The following ZNF385B variants were observed in gnomAD, a reference collection of about 807,000 sequenced individuals.
The protein encoded by ZNF385B is zinc finger protein 533.
Under a neutral mutation model 39.2 loss-of-function variants are expected in ZNF385B, and 23 were observed. The ratio of observed to expected loss-of-function variants is 0.59; its 90% CI spans 0.42 to 0.83. ZNF385B has a LOEUF of 0.83. ZNF385B is among the 40% of genes least tolerant of loss of function. The probability of loss-of-function intolerance (pLI) is 0.00; values close to 1 mark genes in which losing one functional copy is unlikely to be tolerated. For synonymous variants in ZNF385B, 205 were observed against 222.6 expected (o/e 0.92, Z 0.70); for missense variants, 552 against 598.9 (o/e 0.92, Z 0.82).
chr2:179,780,680 A>T (rs1159134719), intron 1 of ZNF385B, among the ~76,000 whole-genome samples: 1 of 152,222 alleles, frequency 6.6e-6, no homozygotes, highest in African/African-American at 2.4e-5. Flanking sequence ...TATTCCAAAC[A>T]TCACAATAGG....
Position 179,480,709 on chromosome 2 carries a change from T to A in ZNF385B, c.715+2563A>T, listed in dbSNP as rs7591306. 9.6e-3 allele frequency among the ~76,000 whole-genome samples: 1,449 copies of A among 151,700 alleles called. 23 individuals carry two copies. The highest frequency in any genetic ancestry group is 0.033 in the African/African-American group (1,351 of 41,244). On this transcript the variant is annotated intron_variant, in intron 6 of 9. Coordinates refer to ENST00000410066, the MANE Select transcript of ZNF385B (RefSeq NM_152520.6). ...AGCAAATGCACTCCTTTTTTTTTTT[T>A]AAGTGCCATCTTTCAATGACTTTGG...
intron 1 of ZNF385B, among the ~76,000 whole-genome samples, chr2:179,791,971 A>G (rs1705353930): frequency 6.6e-6 from 1 of 152,192 alleles, no homozygotes; most frequent in African/African-American, 2.4e-5. Flanking sequence ...CATGTTGGCC[A>G]GGCTGGTCTC....
intron 3 of ZNF385B, among the ~76,000 whole-genome samples, chr2:179,606,705 T>A (rs1029757198): frequency 6.6e-6 from 1 of 152,158 alleles, no homozygotes; most frequent in Admixed American, 6.6e-5. Flanking sequence ...GAGTTCCTCA[T>A]TATAAAAGCA....
intron 3 of ZNF385B, among the ~76,000 whole-genome samples, chr2:179,653,680 G>A (rs1398413212): frequency 6.6e-6 from 1 of 152,000 alleles, no homozygotes; most frequent in African/African-American, 2.4e-5. Context: ...AATATAGCAG[G>A]AACAAATCAA....
chr2:179,446,875 T>C (rs2049553990), intron 6 of ZNF385B, 105 bp from the exon 7 acceptor site: 3 of 1,399,504 alleles, frequency 2.1e-6, no homozygotes, highest in South Asian at 3.0e-5. Context: ...TTATGTGAAG[T>C]TTTTATTGCA....
At chr2:179,498,549 C>T (rs1247052477) in intron 5 of ZNF385B, among the ~76,000 whole-genome samples, 2 of 151,794 alleles carry the variant, frequency 1.3e-5, no homozygotes, top group Non-Finnish European at 2.9e-5. Flanking sequence ...GGAAACTATA[C>T]AAATATATGG....
At chr2:179,708,755 A>T (rs906321290) in intron 3 of ZNF385B, among the ~76,000 whole-genome samples, 4 of 152,236 alleles carry the variant, frequency 2.6e-5, no homozygotes, top group Admixed American at 2.6e-4. Flanking sequence ...CCCATGGTGA[A>T]GAGTGGCACT....
chr2:179,702,068 A>T (rs1260872449), intron 3 of ZNF385B, among the ~76,000 whole-genome samples: 5 of 152,092 alleles, frequency 3.3e-5, no homozygotes, highest in African/African-American at 9.7e-5. Flanking sequence ...ATTTTTTTTT[A>T]AAGTGACATT....
intron 3 of ZNF385B, among the ~76,000 whole-genome samples, chr2:179,688,998 C>T (rs1698142387): frequency 6.6e-6 from 1 of 152,164 alleles, no homozygotes; most frequent in South Asian, 2.1e-4. Flanking sequence ...TCTTCCTGGG[C>T]TTTTGGTGAT....
At chr2:179,559,871 C>T (rs2061211083) in intron 3 of ZNF385B, among the ~76,000 whole-genome samples, 1 of 152,106 alleles carries the variant, frequency 6.6e-6, no homozygotes, top group African/African-American at 2.4e-5. Context: ...TATAGTCATC[C>T]TACATAATTA....
At chr2:179,606,580 T>C (rs550960606) in intron 3 of ZNF385B, among the ~76,000 whole-genome samples, 19 of 152,260 alleles carry the variant, frequency 1.2e-4, no homozygotes, top group African/African-American at 3.8e-4. Context: ...ATTTACTATC[T>C]ATGAACATGC....
intron 3 of ZNF385B, among the ~76,000 whole-genome samples, chr2:179,668,622 CTT>C (rs34563220): frequency 0.4 from 56,846 of 142,246 alleles, 11,301 homozygotes; most frequent in African/African-American, 0.48. Flanking sequence ...CAACACCTTT[CTT>C]TTTTTTTTTT....
At chr2:179,562,544 T>G (rs2105967539) in intron 3 of ZNF385B, 2 of 985,394 alleles carry the variant, frequency 2.0e-6, no homozygotes, top group Non-Finnish European at 1.2e-6. Context: ...GCAGTGCTTC[T>G]GAACAAATCA....
chr2:179,609,120 C>T (rs2106126222), intron 3 of ZNF385B, among the ~76,000 whole-genome samples: 1 of 151,946 alleles, frequency 6.6e-6, no homozygotes, highest in South Asian at 2.1e-4. Context: ...TTATTGTAAA[C>T]TGTAATCATT....
At chr2:179,511,667 G>T (rs2057698985) in intron 5 of ZNF385B, among the ~76,000 whole-genome samples, 1 of 152,184 alleles carries the variant, frequency 6.6e-6, no homozygotes, top group South Asian at 2.1e-4. Context: ...CCACAGAAAT[G>T]TTTATACAAG....
At chr2:179,632,620 C>T (rs1392491493) in intron 3 of ZNF385B, among the ~76,000 whole-genome samples, 2 of 152,018 alleles carry the variant, frequency 1.3e-5, no homozygotes, top group Non-Finnish European at 2.9e-5. Context: ...AAATTGACAC[C>T]CTAACATCAC....
intron 6 of ZNF385B, among the ~76,000 whole-genome samples, chr2:179,470,516 C>A (rs565266517): frequency 3.9e-5 from 6 of 152,070 alleles, no homozygotes; most frequent in African/African-American, 1.5e-4. Context: ...GAAGCAGGGT[C>A]GCTAGGGCCA....
At chr2:179,498,486 C>T (rs1437514081) in intron 5 of ZNF385B, among the ~76,000 whole-genome samples, 2 of 151,832 alleles carry the variant, frequency 1.3e-5, no homozygotes, top group South Asian at 2.1e-4. Flanking sequence ...ATTTTGAGCA[C>T]CTTCTCTGAC....
intron 9 of ZNF385B, among the ~76,000 whole-genome samples, chr2:179,444,413 G>T (rs533984611): frequency 6.6e-6 from 1 of 152,300 alleles, no homozygotes; most frequent in South Asian, 2.1e-4. Flanking sequence ...TTACCAACAT[G>T]CCTGCTAGAA....
Sources: gnomAD v4.1 joint callset for allele counts (sites outside exome capture counted in the v4.1 genomes callset) on GRCh38, gnomAD v4.1.1 for gene constraint, MANE v1.5 for transcripts, NCBI Gene and HGNC (gene_info 2026-07-23, HGNC 2026-07-21) for gene names.